SCAPER: variants seen among roughly 807,000 people sequenced by gnomAD.
SCAPER encodes the protein S phase cyclin A-associated protein in the endoplasmic reticulum.
A neutral mutation model predicts 182.2 loss-of-function variants in SCAPER; 98 were observed. That is an observed-to-expected ratio of 0.54 (90% CI 0.46 to 0.64). The LOEUF is 0.64. Among genes scored for constraint, SCAPER ranks in the 30% least tolerant of loss-of-function variants. SCAPER has a pLI of 0.00. For synonymous variants in SCAPER, 605 were observed against 564.6 expected, an observed-to-expected ratio of 1.07 and a Z score of -1.01; for missense variants, 1,432 against 1,690.0, an observed-to-expected ratio of 0.85 and a Z score of 2.68.
At chr15:76,662,696 T>C (rs552801944) in intron 21 of SCAPER, among the ~76,000 whole-genome samples, 31 of 152,158 alleles carry the variant, frequency 2.0e-4, no homozygotes, top group African/African-American at 7.0e-4. Flanking sequence ...TTTTTTTAAA[T>C]CAAGGTGCTA....
chr15:76,795,392 G>T lies in SCAPER; in HGVS notation c.660C>A (p.Val220=), dbSNP rs1284243682. 2 of 1,609,322 alleles carry T rather than the reference G, an allele frequency of 1.2e-6. No homozygotes were observed. Residue 220 remains valine (V), a synonymous_variant, in exon 8 of 32, where the codon GTC becomes GTA. Coordinates refer to ENST00000563290, the MANE Select transcript of SCAPER (RefSeq NM_020843.4). ...GAGCCTTTACCTTGTCAGCCCAACT[G>T]ACACCTGTGGGAGCCAGACGAGGAG... The part of the protein sequence containing the change: ...VPAPRLAPTG[V]SWADKVKAHH...
At chr15:76,351,986 A>G (rs891398330) in intron 30 of SCAPER, among the ~76,000 whole-genome samples, 5 of 152,218 alleles carry the variant, frequency 3.3e-5, no homozygotes, top group African/African-American at 1.2e-4. Context: ...GTACTTTGTG[A>G]TCAATATCAG....
At chr15:76,838,055 T>C (rs1008454758) in intron 5 of SCAPER, among the ~76,000 whole-genome samples, 23 of 152,318 alleles carry the variant, frequency 1.5e-4, no homozygotes, top group African/African-American at 4.3e-4. Flanking sequence ...ATTAAGTATA[T>C]ACCCAAAGGA....
chr15:76,580,088 C>A (rs2048157653), intron 22 of SCAPER, among the ~76,000 whole-genome samples: 1 of 152,080 alleles, frequency 6.6e-6, no homozygotes, highest in South Asian at 2.1e-4. Context: ...GACTTCAGCA[C>A]CCCACTTTTA....
intron 23 of SCAPER, among the ~76,000 whole-genome samples, chr15:76,543,656 T>C (rs1421718820): frequency 6.6e-6 from 1 of 152,148 alleles, no homozygotes; most frequent in African/African-American, 2.4e-5. Flanking sequence ...CTGGCATGGA[T>C]GCTTCAAAGT....
At chr15:76,398,357 G>A (rs889104060) in intron 27 of SCAPER, among the ~76,000 whole-genome samples, 3 of 152,172 alleles carry the variant, frequency 2.0e-5, no homozygotes, top group African/African-American at 7.2e-5. Flanking sequence ...GTCTTGTACT[G>A]TAGATAGTTG....
intron 23 of SCAPER, among the ~76,000 whole-genome samples, chr15:76,522,946 G>A (rs1427714884): frequency 1.3e-5 from 2 of 151,802 alleles, no homozygotes; most frequent in African/African-American, 2.4e-5. Flanking sequence ...AGTATATAAT[G>A]TTATTTCTCA....
chr15:76,893,917 C>T lies in SCAPER; in HGVS notation c.-59-10041G>A, dbSNP rs113680026. Among the ~76,000 whole-genome samples, 1,197 of 152,176 alleles carry T rather than the reference C, an allele frequency of 7.9e-3. 11 individuals carry two copies. Among genetic ancestry groups the T allele is most frequent in the African/African-American group, 0.027 (1,136 of 41,516 alleles). On this transcript the variant is annotated intron_variant, in intron 1 of 31. Coordinates refer to ENST00000563290, the MANE Select transcript of SCAPER (RefSeq NM_020843.4). ...CAAAACTTATGGAATACAATAAAAG[C>T]AGTTCTAAGAGGCAAGTTTATAGTG...
intron 23 of SCAPER, among the ~76,000 whole-genome samples, chr15:76,509,372 T>C (rs995562178): frequency 1.3e-5 from 2 of 152,312 alleles, no homozygotes; most frequent in Admixed American, 6.5e-5. Context: ...GTCAGGACCA[T>C]GTCTAGTTAG....
chr15:76,579,570 C>T, intron 22 of SCAPER, among the ~76,000 whole-genome samples: 1 of 150,446 alleles, frequency 6.6e-6, no homozygotes, highest in Non-Finnish European at 1.5e-5. Flanking sequence ...AATGAAAACA[C>T]ATTGCTAAAG....
intron 2 of SCAPER, among the ~76,000 whole-genome samples, chr15:76,875,996 A>T (rs2073124828): frequency 6.6e-6 from 1 of 152,310 alleles, no homozygotes; most frequent in South Asian, 2.1e-4. Context: ...GCAAAGGCCC[A>T]GCGAGAAATC....
chr15:76,612,623 A>T (rs1460732103), intron 22 of SCAPER, among the ~76,000 whole-genome samples: 1 of 152,124 alleles, frequency 6.6e-6, no homozygotes, highest in East Asian at 1.9e-4. Flanking sequence ...ATTCCTATAC[A>T]CCAACAGTCA....
At chr15:76,685,868 A>G (rs1013582057) in intron 20 of SCAPER, among the ~76,000 whole-genome samples, 5 of 152,106 alleles carry the variant, frequency 3.3e-5, no homozygotes, top group African/African-American at 1.2e-4. Flanking sequence ...AGCATAAAAC[A>G]GAGGTGACAT....
At chr15:76,818,029 C>T (rs1465928848) in intron 5 of SCAPER, among the ~76,000 whole-genome samples, 6 of 152,162 alleles carry the variant, frequency 3.9e-5, no homozygotes, top group African/African-American at 1.4e-4. Flanking sequence ...GGTGGACTAA[C>T]ACTACCCAAT....
At chr15:76,711,679 G>C (rs1427637445) in intron 17 of SCAPER, among the ~76,000 whole-genome samples, 1 of 152,130 alleles carries the variant, frequency 6.6e-6, no homozygotes, top group African/African-American at 2.4e-5. Context: ...GCATTTCTTT[G>C]ATGGCCAGTG....
intron 23 of SCAPER, among the ~76,000 whole-genome samples, chr15:76,559,257 T>G (rs1398339666): frequency 6.7e-6 from 1 of 148,598 alleles, no homozygotes; most frequent in Non-Finnish European, 1.5e-5. Context: ...GGTTTCACCA[T>G]GTTGGCCAGG....
chr15:76,627,818 T>G (rs2052729240), intron 21 of SCAPER, among the ~76,000 whole-genome samples: 1 of 152,170 alleles, frequency 6.6e-6, no homozygotes, highest in Non-Finnish European at 1.5e-5. Flanking sequence ...GTAATGAGAT[T>G]GCTGGGTAAA....
intron 1 of SCAPER, among the ~76,000 whole-genome samples, chr15:76,896,703 T>C (rs1296600319): frequency 1.3e-5 from 2 of 152,086 alleles, no homozygotes; most frequent in African/African-American, 2.4e-5. Context: ...CAGACCGCCT[T>C]GAGTCTCAAA....
At chr15:76,362,724 T>C (rs1172429101) in intron 29 of SCAPER, among the ~76,000 whole-genome samples, 1 of 152,174 alleles carries the variant, frequency 6.6e-6, no homozygotes, top group Non-Finnish European at 1.5e-5. Flanking sequence ...GCTCTCTCTC[T>C]TTCTCTCTCT....
Sources: allele counts gnomAD v4.1 joint callset (sites outside exome capture counted in the v4.1 genomes callset), GRCh38; gene constraint gnomAD v4.1.1; transcripts MANE v1.5; gene names NCBI Gene and HGNC (gene_info 2026-07-23, HGNC 2026-07-21).